The following AHCTF1 variants were observed in gnomAD, a reference collection of about 807,000 sequenced individuals.
The protein encoded by AHCTF1 is protein ELYS.
Under a neutral mutation model 248.4 loss-of-function variants are expected in AHCTF1, and 24 were observed. That is an observed-to-expected ratio of 0.10 (90% CI 0.07 to 0.14). The LOEUF (loss-of-function observed/expected upper bound fraction) is 0.14, where lower values mean the gene tolerates loss of function less well. Among genes scored for constraint, AHCTF1 ranks in the 10% least tolerant of loss-of-function variants. AHCTF1 has a pLI of 1.00. For synonymous variants in AHCTF1, 786 were observed against 929.8 expected (o/e 0.85, Z 2.81); for missense variants, 2,206 against 2,636.2 (o/e 0.84, Z 3.57).
intron 24 of AHCTF1, among the ~76,000 whole-genome samples, chr1:246,875,567 G>A (rs1328343807): frequency 3.3e-5 from 5 of 152,168 alleles, no homozygotes; most frequent in African/African-American, 9.7e-5. Context: ...TCTAGTGGAA[G>A]GAAGAGTAAA....
chr1:246,890,653 A>G lies in AHCTF1; in HGVS notation c.2050+303T>C, dbSNP rs1018970563. Among the ~76,000 whole-genome samples the G allele has an allele frequency of 7.2e-5, 11 of 152,150 alleles. No homozygotes were observed. The East Asian group carries it at 2.1e-3, about 29-fold the overall frequency. ...ACTGAGTTATAGAAACTATAGTTCT[A>G]TGGATCTAAATAATAGCTAGTAATA... On this transcript the variant is annotated intron_variant, in intron 16 of 35. Transcript: ENST00000648844.
intron 34 of AHCTF1, among the ~76,000 whole-genome samples, chr1:246,843,538 A>T (rs1319034036): frequency 1.3e-5 from 2 of 152,232 alleles, no homozygotes; most frequent in African/African-American, 2.4e-5. Context: ...ACAAACAGGT[A>T]ATTTAAACTG....
At position 246,867,901 on chromosome 1, in the gene AHCTF1, CCACA is replaced by C. The variant is rs1553291132; in HGVS notation, c.3089-94_3089-91del. On this transcript the variant is annotated intron_variant, in intron 24 of 35. Transcript: ENST00000648844. ...TGAAAGAATGATTACACCCCCCCCC[CCACA>C]CACACACACACACACATTACGTGGT... 1,165 of 312,924 alleles carry C rather than the reference CCACA, an allele frequency of 3.7e-3. 20 individuals are homozygous for C. Among genetic ancestry groups the C allele is most frequent in the African/African-American group, 0.017 (348 of 20,654 alleles). 19.4% of individuals were successfully genotyped at this position (312,924 alleles called of 1,614,324 possible).
Position 246,867,827 on chromosome 1 carries a change from C to A in AHCTF1, c.3089-16G>T. 1 of 1,574,472 alleles carries A rather than the reference C, an allele frequency of 6.4e-7. No individual in the cohort carries two copies. The highest frequency in any genetic ancestry group is 1.1e-5 in the South Asian group (1 of 87,724). On this transcript the variant is annotated splice_polypyrimidine_tract_variant and intron_variant, in intron 24 of 35. Coordinates refer to ENST00000648844, the MANE Select transcript of AHCTF1 (RefSeq NM_001323342.2). ...GGTCTAGAAACTGTAAAATGAAGAA[C>A]GCTGGAATTAAGTGCATCTCTAACA...
rs1467502689 is a variant in AHCTF1, at chr1:246,851,017, A to T, written c.4989T>A (p.Pro1663=). 6.2e-6 allele frequency: 10 copies of T among 1,613,828 alleles called. No homozygotes were observed. The Admixed American group carries it at 6.7e-5, about 11-fold the overall frequency. Residue 1663 remains proline, a synonymous_variant, in exon 33 of 36, where the codon CCT becomes CCA. Transcript: ENST00000648844. ...AATTTTCTGCAATTGCTACTTTAAT[A>T]GGTTCAGGCACATATGGTAAAGTGT... ...KVDTLPYVPE[P]IKVAIAENLL...
intron 34 of AHCTF1, 66 bp downstream of exon 34, chr1:246,843,729 T>C (rs1660039829): frequency 2.0e-6 from 2 of 1,014,640 alleles, no homozygotes; most frequent in East Asian, 3.8e-5. Flanking sequence ...ATAATTTTAT[T>C]AAAACATTTG....
chr1:246,842,837 A>G (rs1659979881), intron 34 of AHCTF1, 61 bp from the exon 35 acceptor site: 2 of 1,427,912 alleles, frequency 1.4e-6, no homozygotes, highest in Admixed American at 1.7e-5. Context: ...TAAAACTTCT[A>G]TCCTGAGACA....
chr1:246,866,952 G>C (rs558486819), intron 26 of AHCTF1, among the ~76,000 whole-genome samples: 1 of 152,204 alleles, frequency 6.6e-6, no homozygotes, highest in South Asian at 2.1e-4. Flanking sequence ...CCCTCATTTA[G>C]AGGTCTACTA....
chr1:246,877,123 G>C, intron 22 of AHCTF1, 35 bp downstream of exon 22: 1 of 1,612,124 alleles, frequency 6.2e-7, no homozygotes, highest in East Asian at 2.2e-5. Context: ...AATTTATCTT[G>C]AATTTCTGAC....
At position 246,862,077 on chromosome 1, in the gene AHCTF1, G is replaced by A. The variant is rs1661597961; in HGVS notation, c.3617C>T (p.Thr1206Ile). 1 of 1,612,360 alleles carries A rather than the reference G, an allele frequency of 6.2e-7. No homozygotes were observed. The highest frequency in any genetic ancestry group is 8.5e-7 in the Non-Finnish European group (1 of 1,178,426). Residue 1206 changes from threonine to isoleucine, a missense_variant, in exon 28 of 36, where the codon ACT (threonine) becomes ATT (isoleucine). Thr to Ile is a moderately conservative substitution (Grantham distance 89). This residue lies in a region of AHCTF1 where 955 missense variants were observed against 1,055.6 expected (regional missense o/e 0.90). Transcript: ENST00000648844. ...AGATGCTAAAGGTGTTGATCGAAGA[G>A]TAGACCTCAGGATGGACTGAGGAGT... ...EFTPQSILRSTLRSTPLASPS... is the reference protein window; with the variant it reads ...EFTPQSILRSILRSTPLASPS...
chr1:246,898,451 T>G (rs951238457), intron 11 of AHCTF1, 115 bp from the exon 12 acceptor site: 117 of 1,098,262 alleles, frequency 1.1e-4, no homozygotes, highest in Non-Finnish European at 1.5e-4. Context: ...AAGTGGAAAT[T>G]ATGAAAGACT....
chr1:246,840,964 G>C lies in AHCTF1; in HGVS notation c.6643C>G (p.Pro2215Ala), dbSNP rs780896259. The change falls in exon 36 of 36, where the codon CCC (proline) becomes GCC (alanine). Residue 2215 changes from proline to alanine, a missense_variant. Pro to Ala is a conservative substitution (Grantham distance 27, BLOSUM62 -1). Around this residue, in one of 6 missense-constraint regions of AHCTF1, gnomAD observed 469 missense variants for 470.0 expected, o/e 1.00. Transcript: ENST00000648844. ...GGGGAAATCAGCCGAATTTCTATGG[G>C]AGGAGGTGACCAAGCACTTTCTTTT... Reference protein sequence around the residue: ...TEKESAWSPPPIEIRLISPLA... With the variant: ...TEKESAWSPPAIEIRLISPLA... 6.2e-7 allele frequency: 1 copy of C among 1,610,874 alleles called. No homozygotes were observed. The highest frequency in any genetic ancestry group is 1.1e-5 in the South Asian group (1 of 90,200).
chr1:246,878,846 T>C (rs1261965274), intron 21 of AHCTF1, among the ~76,000 whole-genome samples: 10 of 152,304 alleles, frequency 6.6e-5, no homozygotes, highest in African/African-American at 2.2e-4. Flanking sequence ...AGAAGTACAA[T>C]GTGTAGAGGT....
At chr1:246,896,579 A>T (rs1246828338) in intron 12 of AHCTF1, among the ~76,000 whole-genome samples, 1 of 152,188 alleles carries the variant, frequency 6.6e-6, no homozygotes, top group Admixed American at 6.5e-5. Flanking sequence ...GGTAAGGGAA[A>T]AGGAGTGACT....
rs1659813653 is a variant in AHCTF1 at position 246,840,913 on chromosome 1, T to G, written c.6694A>C (p.Lys2232Gln). The G allele has an allele frequency of 2.5e-6, 4 of 1,613,506 alleles. No individual in the cohort carries two copies. The highest frequency in any genetic ancestry group is 3.4e-6 in the Non-Finnish European group (4 of 1,179,678). Residue 2232 changes from lysine to glutamine, a missense_variant, in exon 36 of 36, where the codon AAG (lysine) becomes CAG (glutamine). Coordinates refer to ENST00000648844, the MANE Select transcript of AHCTF1 (RefSeq NM_001323342.2). Reference sequence around the variant, plus strand: ...TCTGTAGTTTTTCTTGGTTTGCTCTTGACTCCGTCAGCTGGGCTAGCCAAG... The same window carrying G: ...TCTGTAGTTTTTCTTGGTTTGCTCTGGACTCCGTCAGCTGGGCTAGCCAAG... ...SPLASPADGV[K>Q]SKPRKTTEVT... is the part of the protein sequence containing the mutation.
chr1:246,894,850 G>A, intron 13 of AHCTF1, 102 bp from the exon 14 acceptor site: 1 of 921,198 alleles, frequency 1.1e-6, no homozygotes, highest in Non-Finnish European at 1.7e-6. Context: ...CTAACCGAGT[G>A]AACATCAACA....
At chr1:246,902,156 C>T (rs1177738506) in intron 8 of AHCTF1, among the ~76,000 whole-genome samples, 1 of 152,082 alleles carries the variant, frequency 6.6e-6, no homozygotes, top group Non-Finnish European at 1.5e-5. Context: ...CAGGAAAAAG[C>T]GATGACACTA....
chr1:246,897,413 CA>C (rs1483010821), intron 12 of AHCTF1, among the ~76,000 whole-genome samples: 1 of 152,140 alleles, frequency 6.6e-6, no homozygotes, highest in Non-Finnish European at 1.5e-5. Context: ...AATAAATATA[CA>C]AAAATGAATT....
chr1:246,865,506 C>A (rs762362885), intron 26 of AHCTF1, among the ~76,000 whole-genome samples: 2 of 152,180 alleles, frequency 1.3e-5, no homozygotes. Flanking sequence ...CTTCTAGATT[C>A]TCTTCTTTCT....
Sources: gnomAD v4.1 joint callset for allele counts (sites outside exome capture counted in the v4.1 genomes callset) on GRCh38, gnomAD v4.1.1 for gene constraint, gnomAD v4.1.1 regional missense constraint, MANE v1.5 for transcripts, NCBI Gene and HGNC (gene_info 2026-07-23, HGNC 2026-07-21) for gene names.